Variants in CCBE1 observed in about 807,000 individuals in gnomAD.
CCBE1 encodes the protein collagen and calcium-binding EGF domain-containing protein 1.
CCBE1 carries 37 observed loss-of-function variants against 50.0 expected under a neutral mutation model. The ratio of observed to expected loss-of-function variants is 0.74; its 90% confidence interval spans 0.57 to 0.97. The LOEUF is 0.97. CCBE1 is among the 50% of genes least tolerant of loss of function. The probability of loss-of-function intolerance (pLI) is 0.00; values close to 1 mark genes in which losing one functional copy is unlikely to be tolerated. For synonymous variants in CCBE1, 234 were observed against 203.7 expected, an observed-to-expected ratio of 1.15 and a Z score of -1.27; for missense variants, 538 against 523.8, an observed-to-expected ratio of 1.03 and a Z score of -0.26.
At chr18:59,482,300 T>G (rs606035) in intron 2 of CCBE1, among the ~76,000 whole-genome samples, 40,845 of 152,100 alleles carry the variant, frequency 0.27, 5,538 homozygotes, top group Non-Finnish European at 0.29. Flanking sequence ...AAACAACAGA[T>G]GCTGGAGAGG....
At chr18:59,561,485 G>A (rs552116993) in intron 2 of CCBE1, among the ~76,000 whole-genome samples, 4 of 152,288 alleles carry the variant, frequency 2.6e-5, no homozygotes, top group African/African-American at 9.6e-5. Context: ...TGAGTTTAGA[G>A]TGCAGGCGTG....
chr18:59,517,864 A>G (rs1481962058), intron 2 of CCBE1, among the ~76,000 whole-genome samples: 3 of 152,210 alleles, frequency 2.0e-5, no homozygotes, highest in Non-Finnish European at 4.4e-5. Flanking sequence ...ACATTCAACA[A>G]ACATGGTCAA....
chr18:59,492,219 A>G (rs1913144376), intron 2 of CCBE1, among the ~76,000 whole-genome samples: 1 of 151,798 alleles, frequency 6.6e-6, no homozygotes, highest in African/African-American at 2.4e-5. Flanking sequence ...ATCCACATGC[A>G]TATTTTAAAA....
intron 2 of CCBE1, among the ~76,000 whole-genome samples, chr18:59,544,613 C>A (rs1169113185): frequency 3.9e-5 from 6 of 152,138 alleles, no homozygotes; most frequent in Non-Finnish European, 8.8e-5. Flanking sequence ...GTTTCAAGAG[C>A]TTCACAGCAC....
At chr18:59,522,993 C>CAA (rs57217059) in intron 2 of CCBE1, among the ~76,000 whole-genome samples, 29,220 of 88,890 alleles carry the variant, frequency 0.33, 5,406 homozygotes, top group Middle Eastern at 0.46. Context: ...GACTCTGTTT[C>CAA]AAAAAAAAAA....
chr18:59,604,047 G>A (rs1020405310), intron 2 of CCBE1, among the ~76,000 whole-genome samples: 9 of 152,172 alleles, frequency 5.9e-5, no homozygotes, highest in Admixed American at 4.6e-4. Context: ...GTTGGAAAAG[G>A]TATCTGTTGT....
chr18:59,676,387 C>G (rs2054502740), intron 2 of CCBE1, among the ~76,000 whole-genome samples: 1 of 152,208 alleles, frequency 6.6e-6, no homozygotes, highest in African/African-American at 2.4e-5. Flanking sequence ...ATGTTGTAGG[C>G]TCTTAGCCTC....
At chr18:59,499,030 A>G (rs1913488327) in intron 2 of CCBE1, among the ~76,000 whole-genome samples, 1 of 152,244 alleles carries the variant, frequency 6.6e-6, no homozygotes. Context: ...CGATATATGT[A>G]ACCTTGAAAA....
At chr18:59,603,193 T>C (rs2053454848) in intron 2 of CCBE1, among the ~76,000 whole-genome samples, 3 of 152,122 alleles carry the variant, frequency 2.0e-5, no homozygotes, top group Admixed American at 1.3e-4. Context: ...GGAATGACCA[T>C]GAGAAGAAAA....
intron 2 of CCBE1, among the ~76,000 whole-genome samples, chr18:59,668,216 A>G (rs989116182): frequency 1.3e-5 from 2 of 152,026 alleles, no homozygotes; most frequent in Middle Eastern, 3.2e-3. Flanking sequence ...TCAGGAGTTC[A>G]AGACCAGCCT....
intron 2 of CCBE1, among the ~76,000 whole-genome samples, chr18:59,495,607 CCTTT>C (rs1379784381): frequency 6.6e-6 from 1 of 150,498 alleles, no homozygotes; most frequent in African/African-American, 2.5e-5. Context: ...TGGGTGCTTG[CCTTT>C]TTTTTTTTTT....
chr18:59,665,051 T>G (rs2054334935), intron 2 of CCBE1, among the ~76,000 whole-genome samples: 1 of 152,106 alleles, frequency 6.6e-6, no homozygotes, highest in Admixed American at 6.6e-5. Flanking sequence ...CCTAGTGCAA[T>G]TTTTTCCTCA....
In CCBE1 at chr18:59,469,659, C is replaced by T. The variant is rs1269048624; in HGVS notation, c.266-52G>A. 8 of 1,611,716 alleles carry T rather than the reference C, an allele frequency of 5.0e-6. No individual in the cohort carries two copies. In the African/African-American group the frequency reaches 9.3e-5, roughly 19 times the overall value. On this transcript the variant is annotated intron_variant, in intron 3 of 10. Coordinates refer to ENST00000439986, the MANE Select transcript of CCBE1 (RefSeq NM_133459.4). ...TCAACTACAGGAGGAGGCGGAGTAA[C>T]CTGGCCCTGGCCTGGAAAGGACTTT...
intron 2 of CCBE1, among the ~76,000 whole-genome samples, chr18:59,643,605 G>A (rs997521855): frequency 4.6e-5 from 7 of 152,162 alleles, no homozygotes; most frequent in African/African-American, 1.7e-4. Context: ...GACCAGCCTG[G>A]CCAACATGGC....
intron 2 of CCBE1, among the ~76,000 whole-genome samples, chr18:59,491,776 C>T (rs1913108197): frequency 6.6e-6 from 1 of 151,452 alleles, no homozygotes; most frequent in East Asian, 1.9e-4. Flanking sequence ...GATTGCACCA[C>T]TGGACTCCAA....
At chr18:59,584,152 A>G (rs991764617) in intron 2 of CCBE1, among the ~76,000 whole-genome samples, 3 of 152,144 alleles carry the variant, frequency 2.0e-5, no homozygotes, top group Admixed American at 6.5e-5. Flanking sequence ...AATATACACC[A>G]TGGAATACTA....
intron 7 of CCBE1, among the ~76,000 whole-genome samples, chr18:59,446,178 G>A (rs914530846): frequency 2.6e-5 from 4 of 152,322 alleles, no homozygotes; most frequent in Admixed American, 6.5e-5. Context: ...GCTCCATCAA[G>A]GACCCTGGAC....
intron 2 of CCBE1, among the ~76,000 whole-genome samples, chr18:59,539,201 A>AC (rs1303716244): frequency 2.1e-5 from 3 of 142,618 alleles, no homozygotes; most frequent in African/African-American, 7.7e-5. Flanking sequence ...ACACACACAC[A>AC]AAAAACAAAA....
intron 2 of CCBE1, among the ~76,000 whole-genome samples, chr18:59,692,825 CAG>C (rs1020881424): frequency 2.0e-5 from 3 of 152,096 alleles, no homozygotes; most frequent in Admixed American, 6.6e-5. Context: ...ACCGGCAGGG[CAG>C]AGAGGCACCT....
Sources: gnomAD v4.1 joint callset for allele counts (sites outside exome capture counted in the v4.1 genomes callset) on GRCh38, gnomAD v4.1.1 for gene constraint, MANE v1.5 for transcripts, NCBI Gene and HGNC (gene_info 2026-07-23, HGNC 2026-07-21) for gene names.